Variants in TTLL11 observed in about 807,000 individuals in gnomAD.
TTLL11 encodes tubulin polyglutamylase TTLL11.
Under a neutral mutation model 51.7 loss-of-function variants are expected in TTLL11, and 42 were observed. The observed-to-expected ratio is 0.81, with a 90% CI of 0.64 to 1.05. The LOEUF (loss-of-function observed/expected upper bound fraction) is 1.05, where lower values mean the gene tolerates loss of function less well. TTLL11 is among the 50% of genes least tolerant of loss of function. The pLI is 0.00. For synonymous variants in TTLL11, 381 were observed against 383.5 expected, an observed-to-expected ratio of 0.99 and a Z score of 0.08; for missense variants, 799 against 940.4, an observed-to-expected ratio of 0.85 and a Z score of 1.97.
chr9:121,936,783 T>C (rs1841242562), intron 6 of TTLL11, among the ~76,000 whole-genome samples: 1 of 152,222 alleles, frequency 6.6e-6, no homozygotes, highest in African/African-American at 2.4e-5. Context: ...ACATAAAACA[T>C]ACATTTTAAA....
intron 1 of TTLL11, among the ~76,000 whole-genome samples, chr9:122,048,288 T>C (rs559997451): frequency 6.6e-6 from 1 of 152,126 alleles, no homozygotes; most frequent in Non-Finnish European, 1.5e-5. Flanking sequence ...CGCATCAGCC[T>C]CCCTAGTAGC....
chr9:121,867,708 C>T (rs775422183), intron 7 of TTLL11, among the ~76,000 whole-genome samples: 32 of 152,128 alleles, frequency 2.1e-4, no homozygotes, highest in Non-Finnish European at 4.4e-4. Flanking sequence ...GCTTTGATTC[C>T]ACCAGGCAGA....
intron 1 of TTLL11, among the ~76,000 whole-genome samples, chr9:122,075,973 C>T (rs551834321): frequency 6.6e-6 from 1 of 152,212 alleles, no homozygotes; most frequent in African/African-American, 2.4e-5. Flanking sequence ...ATTATTGATT[C>T]CACAGTTCAA....
intron 6 of TTLL11, among the ~76,000 whole-genome samples, chr9:121,969,294 G>A (rs1457306964): frequency 6.6e-6 from 1 of 152,170 alleles, no homozygotes; most frequent in Non-Finnish European, 1.5e-5. Flanking sequence ...TGGAATCTCA[G>A]GTTTTTCAGC....
intron 6 of TTLL11, among the ~76,000 whole-genome samples, chr9:121,934,141 G>A (rs1488147483): frequency 6.6e-6 from 1 of 152,050 alleles, no homozygotes; most frequent in Non-Finnish European, 1.5e-5. Flanking sequence ...GCTGAGGCAG[G>A]AGAATTGCTT....
Position 121,820,818 on chromosome 9 carries a change from T to C in TTLL11, c.*1769A>G, listed in dbSNP as rs1384293110. Among the ~76,000 whole-genome samples the C allele has an allele frequency of 6.6e-6, 1 of 150,992 alleles. No homozygotes were observed. Among genetic ancestry groups the C allele is most frequent in the Non-Finnish European group, 1.5e-5 (1 of 67,772 alleles). ...CTGTCCTGCCTTCTGCTTGGGAAAA[T>C]AAAGTGATTGCAGAAGTCTGCTGTC... On this transcript the variant is annotated 3_prime_UTR_variant, in exon 9 of 9. Coordinates refer to ENST00000321582, the MANE Select transcript of TTLL11 (RefSeq NM_001139442.2).
intron 7 of TTLL11, among the ~76,000 whole-genome samples, chr9:121,866,289 T>C (rs1176302488): frequency 6.6e-6 from 1 of 152,184 alleles, no homozygotes; most frequent in Non-Finnish European, 1.5e-5. Flanking sequence ...AGACTGAACA[T>C]ACTTAGAGAA....
intron 6 of TTLL11, among the ~76,000 whole-genome samples, chr9:121,948,893 G>A (rs145910321): frequency 6.6e-6 from 1 of 152,296 alleles, no homozygotes; most frequent in East Asian, 1.9e-4. Context: ...ATGACCTGAT[G>A]CAAGCTTTGG....
At chr9:122,076,327 T>C (rs1249396053) in intron 1 of TTLL11, among the ~76,000 whole-genome samples, 3 of 152,216 alleles carry the variant, frequency 2.0e-5, no homozygotes, top group Admixed American at 6.5e-5. Flanking sequence ...GGCCTCTGCA[T>C]GTGGTCCGGC....
intron 6 of TTLL11, among the ~76,000 whole-genome samples, chr9:121,935,612 G>C (rs1841176906): frequency 6.6e-6 from 1 of 152,212 alleles, no homozygotes; most frequent in Non-Finnish European, 1.5e-5. Flanking sequence ...CTGCTGTAAG[G>C]AGAATGAAAC....
chr9:121,830,735 G>A (rs1260005900), intron 8 of TTLL11, among the ~76,000 whole-genome samples: 1 of 152,166 alleles, frequency 6.6e-6, no homozygotes, highest in Admixed American at 6.5e-5. Context: ...CATCTCCTAG[G>A]CCCTGCCCTT....
chr9:121,967,300 T>C (rs907005560), intron 6 of TTLL11, among the ~76,000 whole-genome samples: 14 of 137,450 alleles, frequency 1.0e-4, no homozygotes, highest in African/African-American at 2.6e-4. Flanking sequence ...TCTTGGCTCA[T>C]TGCAACCTCC....
intron 1 of TTLL11, among the ~76,000 whole-genome samples, chr9:122,080,038 A>T (rs1845962016): frequency 1.3e-5 from 2 of 152,222 alleles, no homozygotes; most frequent in Non-Finnish European, 2.9e-5. Flanking sequence ...CATTATTTGA[A>T]TATTAAAAAG....
At position 122,053,652 on chromosome 9, in the gene TTLL11, G is replaced by A. The variant is rs1045828626; in HGVS notation, c.463-14284C>T. Among the ~76,000 whole-genome samples the A allele has an allele frequency of 3.3e-5, 5 of 152,194 alleles. No individual in the cohort carries two copies. In the South Asian group the frequency reaches 8.3e-4, roughly 25 times the overall value. On this transcript the variant is annotated intron_variant, in intron 1 of 8. Coordinates refer to ENST00000321582, the MANE Select transcript of TTLL11 (RefSeq NM_001139442.2). ...CTGGGAGAAAGGGGAGGGAGCATGG[G>A]TGGGGACTGGGCCCAGAAAAAAGTA...
intron 3 of TTLL11, among the ~76,000 whole-genome samples, chr9:122,023,153 C>T (rs10121627): frequency 0.38 from 57,265 of 151,680 alleles, 12,304 homozygotes; most frequent in African/African-American, 0.59. Context: ...AGGCAGATTA[C>T]TAAAGGTAAC....
At chr9:121,981,135 G>GTT (rs34449864) in intron 4 of TTLL11, among the ~76,000 whole-genome samples, 1 of 146,540 alleles carries the variant, frequency 6.8e-6, no homozygotes, top group African/African-American at 2.5e-5. Context: ...TTCTTCAAAA[G>GTT]TTTTTTTTTT....
rs949248276 is a variant in TTLL11, at chr9:122,093,041, C to G, written c.108G>C (p.Thr36=). 3 of 1,521,746 alleles carry G rather than the reference C, an allele frequency of 2.0e-6. No homozygotes were observed. Among genetic ancestry groups the G allele is most frequent in the Non-Finnish European group, 2.6e-6 (3 of 1,142,438 alleles). The allele number at this position is 1,521,746 out of a possible 1,614,324, so 94.3% of individuals were successfully genotyped here. A position where few individuals can be genotyped will look rare whatever the true frequency, so the allele number is the denominator to read the frequency against. Residue 36 remains threonine, a synonymous_variant, in exon 1 of 9, where the codon ACG becomes ACC. Coordinates refer to ENST00000321582, the MANE Select transcript of TTLL11 (RefSeq NM_001139442.2). ...AKAEAEATAE[T]VAEQVRVDAG... is the part of the protein sequence containing the mutation. ...CGTCCACGCGGACCTGTTCCGCCAC[C>G]GTCTCCGCTGTGGCCTCGGCCTCAG...
intron 6 of TTLL11, among the ~76,000 whole-genome samples, chr9:121,899,016 G>GC (rs1041132721): frequency 6.6e-6 from 1 of 152,108 alleles, no homozygotes; most frequent in African/African-American, 2.4e-5. Context: ...TGCTCCATCA[G>GC]CCCCTGTGCT....
At chr9:122,005,079 G>A (rs1843603705) in intron 3 of TTLL11, among the ~76,000 whole-genome samples, 1 of 152,218 alleles carries the variant, frequency 6.6e-6, no homozygotes, top group African/African-American at 2.4e-5. Flanking sequence ...GAGACACAGG[G>A]AGAAACGTGT....
Sources: gnomAD v4.1 joint callset for allele counts (sites outside exome capture counted in the v4.1 genomes callset) on GRCh38, gnomAD v4.1.1 for gene constraint, MANE v1.5 for transcripts, NCBI Gene and HGNC (gene_info 2026-07-23, HGNC 2026-07-21) for gene names.